Variants in VTI1A observed in about 807,000 individuals in gnomAD.
VTI1A encodes the protein vesicle transport through interaction with t-SNAREs homolog 1A.
In VTI1A, 22 loss-of-function variants were observed where a neutral mutation model predicts 34.9. The observed-to-expected ratio is 0.63, with a 90% CI of 0.45 to 0.90. VTI1A has a LOEUF of 0.90. VTI1A is among the 40% of genes least tolerant of loss of function. The pLI, the probability that VTI1A is intolerant of heterozygous loss-of-function variation, is 0.00. For synonymous variants in VTI1A, 87 were observed against 97.3 expected (o/e 0.89, Z 0.62); for missense variants, 268 against 275.6 (o/e 0.97, Z 0.20).
At chr10:112,713,478 T>C (rs1220872289) in intron 7 of VTI1A, among the ~76,000 whole-genome samples, 2 of 152,204 alleles carry the variant, frequency 1.3e-5, no homozygotes, top group East Asian at 3.9e-4. Flanking sequence ...TATTATTTTC[T>C]TTTACCGATG....
chr10:112,712,434 G>C (rs1404446906), intron 7 of VTI1A, among the ~76,000 whole-genome samples: 1 of 149,582 alleles, frequency 6.7e-6, no homozygotes, highest in Non-Finnish European at 1.5e-5. Context: ...ACTCTATGTG[G>C]TCTAAATGAT....
chr10:112,598,116 G>T lies in VTI1A; in HGVS notation c.427+59786G>T, dbSNP rs1211247800. 2.0e-5 allele frequency among the ~76,000 whole-genome samples: 3 copies of T among 152,166 alleles called. No individual in the cohort carries two copies. The East Asian group carries it at 5.8e-4, about 29-fold the overall frequency. On this transcript the variant is annotated intron_variant, in intron 5 of 7. Coordinates refer to ENST00000393077, the MANE Select transcript of VTI1A (RefSeq NM_145206.4). ...TAGTAAATGCTCAAAAAAAATAAAA[G>T]CAGTTTTATCTAGCTTCGTTCTTCA...
chr10:112,530,815 A>G (rs1445808321), intron 4 of VTI1A, among the ~76,000 whole-genome samples: 1 of 152,128 alleles, frequency 6.6e-6, no homozygotes, highest in Non-Finnish European at 1.5e-5. Flanking sequence ...GGTCGGTATC[A>G]TTTCATATAG....
intron 7 of VTI1A, among the ~76,000 whole-genome samples, chr10:112,795,292 G>A (rs1252524871): frequency 6.6e-6 from 1 of 152,062 alleles, no homozygotes; most frequent in Non-Finnish European, 1.5e-5. Context: ...TGGGAACATT[G>A]ACACCTTTGC....
the VTI1A span, among the ~76,000 whole-genome samples, chr10:112,845,893 C>A: frequency 6.6e-6 from 1 of 152,144 alleles, no homozygotes; most frequent in Non-Finnish European, 1.5e-5. Context: ...TGGCACGCAC[C>A]TGTAATCCCA....
At chr10:112,643,992 A>T (rs1026297668) in intron 5 of VTI1A, among the ~76,000 whole-genome samples, 1 of 152,196 alleles carries the variant, frequency 6.6e-6, no homozygotes, top group African/African-American at 2.4e-5. Context: ...AGGTAAAAAA[A>T]AAAAAATGTC....
intron 3 of VTI1A, among the ~76,000 whole-genome samples, chr10:112,521,141 C>T (rs182108828): frequency 1.3e-5 from 2 of 152,126 alleles, no homozygotes; most frequent in East Asian, 3.9e-4. Context: ...TAACTCTAAA[C>T]AGTCCCTTGA....
rs149475818 is a variant in VTI1A at position 112,573,270 on chromosome 10, G to A, written c.427+34940G>A. Among the ~76,000 whole-genome samples the A allele has an allele frequency of 4.6e-3, 700 of 152,196 alleles. 4 individuals are homozygous for A. The highest frequency in any genetic ancestry group is 8.0e-3 in the Non-Finnish European group (543 of 68,018). On this transcript the variant is annotated intron_variant, in intron 5 of 7. Coordinates refer to ENST00000393077, the MANE Select transcript of VTI1A (RefSeq NM_145206.4). The stretch of plus-strand genomic sequence containing the variant: ...ATGTACCTGTCCTTGTATGCTATCT[G>A]CTCTATTATCCGAAATAAACTAAGC...
At chr10:112,597,519 G>A (rs185098250) in intron 5 of VTI1A, among the ~76,000 whole-genome samples, 155 of 151,910 alleles carry the variant, frequency 1.0e-3, no homozygotes, top group Middle Eastern at 3.4e-3. Context: ...CACCTGGCCT[G>A]GGCTGTGTTT....
chr10:112,614,273 A>G (rs1483306549), intron 5 of VTI1A, among the ~76,000 whole-genome samples: 4 of 152,160 alleles, frequency 2.6e-5, no homozygotes, highest in Non-Finnish European at 5.9e-5. Flanking sequence ...GCATTATCAA[A>G]TGTTGAAGTA....
chr10:112,463,611 T>C (rs866037025), intron 2 of VTI1A, among the ~76,000 whole-genome samples: 20 of 151,992 alleles, frequency 1.3e-4, no homozygotes, highest in Admixed American at 2.0e-4. Context: ...CAAAGTGTTA[T>C]CTGATAGCAG....
In VTI1A at chr10:112,783,462, A is replaced by G. The variant is rs74655286; in HGVS notation, c.561-31828A>G. On this transcript the variant is annotated intron_variant, in intron 7 of 7. Transcript: ENST00000393077. ...GAAAACAAGTTAGCTAAAGGTGTAC[A>G]TTCCTTCTAGGTTCTCATGATCAAC... Among the ~76,000 whole-genome samples the G allele has an allele frequency of 9.8e-5, 15 of 152,286 alleles. No individual in the cohort carries two copies. The East Asian group carries it at 2.9e-3, about 29-fold the overall frequency.
chr10:112,837,989 C>T, the VTI1A span, among the ~76,000 whole-genome samples: 1 of 152,246 alleles, frequency 6.6e-6, no homozygotes, highest in East Asian at 1.9e-4. Flanking sequence ...GAGGCAGCAA[C>T]CTTCATGTTC....
intron 7 of VTI1A, among the ~76,000 whole-genome samples, chr10:112,713,304 A>T (rs561887768): frequency 2.1e-4 from 32 of 152,322 alleles, no homozygotes; most frequent in African/African-American, 7.7e-4. Context: ...CTCAGTTTCA[A>T]AACTGAAGGA....
intron 7 of VTI1A, among the ~76,000 whole-genome samples, chr10:112,775,245 T>G (rs1466242857): frequency 6.6e-6 from 1 of 152,198 alleles, no homozygotes; most frequent in East Asian, 1.9e-4. Context: ...GTATAAAAAT[T>G]CTTCAAAGTA....
chr10:112,760,306 A>C (rs1417317199), intron 7 of VTI1A, among the ~76,000 whole-genome samples: 4 of 152,220 alleles, frequency 2.6e-5, no homozygotes, highest in African/African-American at 7.2e-5. Flanking sequence ...GTAAGAGATT[A>C]ACAGCAATAA....
intron 3 of VTI1A, among the ~76,000 whole-genome samples, chr10:112,518,489 G>C (rs536305411): frequency 3.3e-5 from 5 of 150,760 alleles, no homozygotes; most frequent in Non-Finnish European, 7.4e-5. Flanking sequence ...TAGGAGGATT[G>C]CTTAAGCCCA....
intron 7 of VTI1A, among the ~76,000 whole-genome samples, chr10:112,766,142 C>T (rs1160063528): frequency 1.3e-5 from 2 of 152,066 alleles, no homozygotes; most frequent in African/African-American, 2.4e-5. Flanking sequence ...TGTAGTAGCA[C>T]GTGCTAAGGA....
At chr10:112,813,578 A>G (rs1285103415) in intron 7 of VTI1A, among the ~76,000 whole-genome samples, 2 of 152,122 alleles carry the variant, frequency 1.3e-5, no homozygotes, top group Non-Finnish European at 2.9e-5. Context: ...AAAGGGGGAA[A>G]AAATCAATTT....
Sources: allele counts gnomAD v4.1 joint callset (sites outside exome capture counted in the v4.1 genomes callset), GRCh38; gene constraint gnomAD v4.1.1; transcripts MANE v1.5; gene names NCBI Gene and HGNC (gene_info 2026-07-23, HGNC 2026-07-21).